The following FOLH1 variants were observed in gnomAD, a reference collection of about 807,000 sequenced individuals.
The protein encoded by FOLH1 is glutamate carboxypeptidase 2.
Under a neutral mutation model 93.9 loss-of-function variants are expected in FOLH1, and 54 were observed. The ratio of observed to expected loss-of-function variants is 0.57; its 90% CI spans 0.46 to 0.72. The LOEUF (loss-of-function observed/expected upper bound fraction) is 0.72, where lower values mean the gene tolerates loss of function less well. Ranked by LOEUF, FOLH1 falls within the 30% of genes least tolerant of loss-of-function variation. FOLH1 has a pLI of 0.00. For missense variants in FOLH1, 571 were observed against 892.5 expected (o/e 0.64, Z 4.59); for synonymous variants, 249 against 303.6 (o/e 0.82, Z 1.87).
intron 10 of FOLH1, among the ~76,000 whole-genome samples, chr11:49,172,645 T>C (rs1262530093): frequency 1.3e-5 from 2 of 152,220 alleles, no homozygotes; most frequent in Non-Finnish European, 2.9e-5. Context: ...ATTGTTTTTA[T>C]GGTTGATAAA....
At chr11:49,196,329 C>G (rs542817449) in intron 3 of FOLH1, among the ~76,000 whole-genome samples, 1 of 152,010 alleles carries the variant, frequency 6.6e-6, no homozygotes, top group Non-Finnish European at 1.5e-5. Flanking sequence ...AGAAATTAAA[C>G]CAGTAGTTTA....
intron 7 of FOLH1, among the ~76,000 whole-genome samples, chr11:49,181,022 C>T (rs1011484712): frequency 1.2e-4 from 19 of 152,096 alleles, no homozygotes; most frequent in Non-Finnish European, 2.1e-4. Context: ...AAATCGTAGA[C>T]GTCTAAATAA....
chr11:49,200,276 T>C lies in FOLH1; in HGVS notation c.390A>G (p.Ile130Met). The change falls in exon 3 of 19, where the codon ATA becomes ATG. Residue 130 changes from isoleucine to methionine, a missense_variant. By Grantham distance (10) the Ile-to-Met change is conservative. Transcript: ENST00000256999. The part of the protein sequence containing the change: ...PNKTHPNYIS[I>M]INEDGNEIFN... Reference sequence around the variant, plus strand: ...TTACCTCATTTCCATCTTCATTAATTATTGAGATGTAGTTGGGATGAGTCT... The same window carrying C: ...TTACCTCATTTCCATCTTCATTAATCATTGAGATGTAGTTGGGATGAGTCT... 6.3e-7 allele frequency: 1 copy of C among 1,575,906 alleles called. No individual in the cohort carries two copies. The highest frequency in any genetic ancestry group is 8.6e-7 in the Non-Finnish European group (1 of 1,161,440).
At chr11:49,204,672 T>A (rs1863666901) in intron 2 of FOLH1, among the ~76,000 whole-genome samples, 1 of 152,204 alleles carries the variant, frequency 6.6e-6, no homozygotes, top group African/African-American at 2.4e-5. Flanking sequence ...TCCTATCAAT[T>A]TGTATTTATA....
chr11:49,192,322 A>C (rs905917430), intron 4 of FOLH1, among the ~76,000 whole-genome samples: 7 of 152,226 alleles, frequency 4.6e-5, no homozygotes, highest in South Asian at 2.1e-4. Flanking sequence ...TAATTTGACA[A>C]CGTCAAAATT....
intron 12 of FOLH1, among the ~76,000 whole-genome samples, chr11:49,166,214 T>C (rs770413630): frequency 1.3e-5 from 2 of 152,130 alleles, no homozygotes; most frequent in Non-Finnish European, 2.9e-5. Context: ...AAAAGGCAAG[T>C]TGTAGAAGCA....
At chr11:49,168,709 G>A (rs1858783345) in intron 12 of FOLH1, among the ~76,000 whole-genome samples, 1 of 152,174 alleles carries the variant, frequency 6.6e-6, no homozygotes, top group Admixed American at 6.5e-5. Context: ...GACCTGAAGT[G>A]ATCCACCCGC....
intron 17 of FOLH1, among the ~76,000 whole-genome samples, chr11:49,149,104 C>A (rs1856142501): frequency 6.6e-6 from 1 of 151,700 alleles, no homozygotes; most frequent in African/African-American, 2.4e-5. Flanking sequence ...CACACCAGGG[C>A]CTGTCGTGGG....
At position 49,207,937 on chromosome 11, in the gene FOLH1, AAAC is replaced by A. The variant is rs975740976; in HGVS notation, c.118+352_118+354del. The A allele has an allele frequency of 7.6e-6, 3 of 392,444 alleles. No individual in the cohort carries two copies. The African/African-American group carries it at 9.0e-5, about 12-fold the overall frequency. 24.3% of individuals were successfully genotyped at this position (392,444 alleles called of 1,614,324 possible). A position where few individuals can be genotyped will look rare whatever the true frequency, so the allele number is the denominator to read the frequency against. ...AGAAAGAATGCACAGAGAGGTAAAA[AAAC>A]AAACAAACAAACAAAACAAAACAAA... On this transcript the variant is annotated intron_variant, in intron 1 of 18. Coordinates refer to ENST00000256999, the MANE Select transcript of FOLH1 (RefSeq NM_004476.3).
chr11:49,192,087 TA>T (rs1428893885), intron 4 of FOLH1, among the ~76,000 whole-genome samples: 1 of 152,206 alleles, frequency 6.6e-6, no homozygotes, highest in East Asian at 1.9e-4. Context: ...GTATATTTTA[TA>T]TTTTTTTAGC....
chr11:49,165,896 G>C (rs1858332050), intron 12 of FOLH1, among the ~76,000 whole-genome samples: 1 of 152,194 alleles, frequency 6.6e-6, no homozygotes, highest in Admixed American at 6.5e-5. Flanking sequence ...GTGCTTATAA[G>C]AGTGGAAATT....
At chr11:49,167,213 CTTTT>C (rs1858519030) in intron 12 of FOLH1, among the ~76,000 whole-genome samples, 1 of 152,096 alleles carries the variant, frequency 6.6e-6, no homozygotes, top group African/African-American at 2.4e-5. Flanking sequence ...TCAAAGTTAA[CTTTT>C]TTTGACATTT....
chr11:49,184,569 T>C (rs890128132), intron 6 of FOLH1, among the ~76,000 whole-genome samples: 3 of 152,162 alleles, frequency 2.0e-5, no homozygotes, highest in African/African-American at 7.2e-5. Context: ...AATTTTACTA[T>C]AGGGTAATAT....
chr11:49,207,801 T>C, intron 1 of FOLH1: 1 of 433,210 alleles, frequency 2.3e-6, no homozygotes, highest in Non-Finnish European at 4.5e-6. Flanking sequence ...TTGGATCAAG[T>C]CTGCAAATCA....
At chr11:49,189,449 GT>G (rs1861783459) in intron 4 of FOLH1, among the ~76,000 whole-genome samples, 1 of 152,142 alleles carries the variant, frequency 6.6e-6, no homozygotes, top group Non-Finnish European at 1.5e-5. Context: ...TCTATTATGT[GT>G]TAGGCAGTGC....
intron 9 of FOLH1, among the ~76,000 whole-genome samples, chr11:49,174,513 A>G (rs1282852968): frequency 6.6e-6 from 1 of 152,134 alleles, no homozygotes; most frequent in Non-Finnish European, 1.5e-5. Flanking sequence ...TAAGAGTGTG[A>G]TATTTTATAT....
chr11:49,176,350 G>C (rs1193440578), intron 7 of FOLH1, among the ~76,000 whole-genome samples: 3 of 152,116 alleles, frequency 2.0e-5, no homozygotes, highest in Non-Finnish European at 2.9e-5. Context: ...CTGGTATATA[G>C]TTATTTTTTA....
rs189386480 is a variant in FOLH1, at chr11:49,176,003, G to A, written c.921-46C>T. ...TTATTAGCCACAAAAAAACCTTGAAGTAACGCATTAAAATGTTAATGGATT... is the reference window on the plus strand; with the variant it reads ...TTATTAGCCACAAAAAAACCTTGAAATAACGCATTAAAATGTTAATGGATT... On this transcript the variant is annotated intron_variant, in intron 7 of 18. Transcript: ENST00000256999. 1.5e-5 allele frequency: 23 copies of A among 1,562,006 alleles called. No individual in the cohort carries two copies. The East Asian group carries it at 5.2e-4, about 35-fold the overall frequency.
chr11:49,169,506 G>A (rs575448614), intron 11 of FOLH1, among the ~76,000 whole-genome samples: 1 of 152,220 alleles, frequency 6.6e-6, no homozygotes, highest in Non-Finnish European at 1.5e-5. Flanking sequence ...TATACTTATG[G>A]TAAGTGGAAA....
Sources: gnomAD v4.1 joint callset for allele counts (sites outside exome capture counted in the v4.1 genomes callset) on GRCh38, gnomAD v4.1.1 for gene constraint, MANE v1.5 for transcripts, NCBI Gene and HGNC (gene_info 2026-07-23, HGNC 2026-07-21) for gene names.